The following SLC35F1 variants were observed in gnomAD, a reference collection of about 807,000 sequenced individuals.
SLC35F1 encodes solute carrier family 35 member F1.
SLC35F1 carries 14 observed loss-of-function variants against 48.7 expected under a neutral mutation model. The observed-to-expected ratio is 0.29, with a 90% CI of 0.19 to 0.45. The LOEUF (loss-of-function observed/expected upper bound fraction) is 0.45, where lower values mean the gene tolerates loss of function less well. Among genes scored for constraint, SLC35F1 ranks in the 20% least tolerant of loss-of-function variants. The probability of loss-of-function intolerance (pLI) is 1.00; values close to 1 mark genes in which losing one functional copy is unlikely to be tolerated. For missense variants in SLC35F1, 404 were observed against 500.0 expected, an observed-to-expected ratio of 0.81 and a Z score of 1.83; for synonymous variants, 190 against 202.2, an observed-to-expected ratio of 0.94 and a Z score of 0.51.
rs577302934 is a variant in SLC35F1 at position 118,153,966 on chromosome 6, A to G, written c.174-479A>G. On this transcript the variant is annotated intron_variant, in intron 1 of 7. Transcript: ENST00000360388. Reference sequence around the variant, plus strand: ...GTTTCTGGATCTGGGATTTCAATCTATAAAGAAAAGAGTCTCCCTTTATTG... The same window carrying G: ...GTTTCTGGATCTGGGATTTCAATCTGTAAAGAAAAGAGTCTCCCTTTATTG... Among the ~76,000 whole-genome samples the G allele has an allele frequency of 1.6e-4, 24 of 152,324 alleles. No individual in the cohort carries two copies. The East Asian group carries it at 4.1e-3, about 26-fold the overall frequency.
At chr6:118,111,982 TTAA>T (rs1383019606) in intron 1 of SLC35F1, among the ~76,000 whole-genome samples, 1 of 152,172 alleles carries the variant, frequency 6.6e-6, no homozygotes, top group Non-Finnish European at 1.5e-5. Context: ...AGGGAACAAA[TTAA>T]TAATGTTTTC....
intron 2 of SLC35F1, among the ~76,000 whole-genome samples, chr6:118,215,212 TG>T (rs1157222653): frequency 6.6e-6 from 1 of 152,010 alleles, no homozygotes; most frequent in Non-Finnish European, 1.5e-5. Flanking sequence ...TTCTGTTCCA[TG>T]GGGATTTCTA....
At position 118,295,083 on chromosome 6, in the gene SLC35F1, C is replaced by T. The variant is rs140458143; in HGVS notation, c.1002+9745C>T. On this transcript the variant is annotated intron_variant, in intron 7 of 7. Transcript: ENST00000360388. The stretch of plus-strand genomic sequence containing the variant: ...CTATGAGGACAGGTGTAGAGCTCCA[C>T]AGTCCACCCTGACCCTCCCCGTCAG... Among the ~76,000 whole-genome samples, 465 of 144,704 alleles carry T rather than the reference C, an allele frequency of 3.2e-3. 3 individuals carry two copies. The highest frequency in any genetic ancestry group is 0.011 in the African/African-American group (447 of 38,978). 94.9% of individuals were successfully genotyped at this position (144,704 alleles called of 152,430 possible).
At chr6:118,303,633 A>G (rs1361379085) in intron 7 of SLC35F1, among the ~76,000 whole-genome samples, 2 of 152,220 alleles carry the variant, frequency 1.3e-5, no homozygotes, top group Non-Finnish European at 2.9e-5. Context: ...TGTTTTAAAA[A>G]TGAAATGATA....
chr6:117,930,206 G>T (rs1776082634), intron 1 of SLC35F1, among the ~76,000 whole-genome samples: 1 of 152,170 alleles, frequency 6.6e-6, no homozygotes. Flanking sequence ...ATTGTCTTAT[G>T]TCCTCAGGAA....
At chr6:118,310,731 T>G (rs1776363119) in intron 7 of SLC35F1, among the ~76,000 whole-genome samples, 1 of 152,168 alleles carries the variant, frequency 6.6e-6, no homozygotes, top group South Asian at 2.1e-4. Flanking sequence ...ATTTTTTGAC[T>G]GAATTCCATA....
chr6:118,239,690 T>C (rs1775411871), intron 3 of SLC35F1, among the ~76,000 whole-genome samples: 1 of 152,188 alleles, frequency 6.6e-6, no homozygotes. Flanking sequence ...CCTGCCATCT[T>C]TCTCAAGTTA....
chr6:118,275,202 T>C (rs766881680), intron 4 of SLC35F1, among the ~76,000 whole-genome samples: 52 of 152,124 alleles, frequency 3.4e-4, no homozygotes, highest in Admixed American at 6.5e-5. Context: ...GTGGGCTTTG[T>C]AGAGAGGGTG....
intron 1 of SLC35F1, among the ~76,000 whole-genome samples, chr6:118,071,485 C>G (rs181539983): frequency 2.6e-5 from 4 of 152,038 alleles, no homozygotes; most frequent in Admixed American, 6.6e-5. Context: ...TCTCTGGTCT[C>G]TGCTGCACAA....
Position 118,072,436 on chromosome 6 carries a change from C to T in SLC35F1, c.174-82009C>T, listed in dbSNP as rs915008362. ...AAAATTAGCCAGGCGTGGTGGCAGG[C>T]GCCTGTAGTCCCAGCTACTCGGGAG... On this transcript the variant is annotated intron_variant, in intron 1 of 7. Transcript: ENST00000360388. 6.6e-5 allele frequency among the ~76,000 whole-genome samples: 10 copies of T among 152,110 alleles called. 1 individual carries two copies. Among genetic ancestry groups the T allele is most frequent in the Non-Finnish European group, 1.0e-4 (7 of 67,996 alleles).
intron 2 of SLC35F1, among the ~76,000 whole-genome samples, chr6:118,163,216 G>T (rs1055850918): frequency 2.0e-5 from 3 of 151,860 alleles, no homozygotes; most frequent in Non-Finnish European, 2.9e-5. Context: ...CACCCACCTC[G>T]GCCTCCCAAA....
chr6:118,213,356 G>A (rs548822350), intron 2 of SLC35F1, among the ~76,000 whole-genome samples: 14 of 152,254 alleles, frequency 9.2e-5, no homozygotes, highest in East Asian at 3.9e-4. Context: ...GATGTGTCCC[G>A]TTTGTGTTAG....
In SLC35F1 at chr6:118,263,386, G is replaced by A. The variant is rs572038241; in HGVS notation, c.478-3609G>A. ...TATAAAATTAGAAAACAGAATCGTA[G>A]ACACCTCTGGCATGTGTTGCCTAAG... On this transcript the variant is annotated intron_variant, in intron 3 of 7. Coordinates refer to ENST00000360388, the MANE Select transcript of SLC35F1 (RefSeq NM_001029858.4). Among the ~76,000 whole-genome samples, 4 of 152,242 alleles carry A rather than the reference G, an allele frequency of 2.6e-5. No homozygotes were observed. In the South Asian group the frequency reaches 6.2e-4, roughly 24 times the overall value.
At chr6:118,281,579 C>T (rs1277382200) in intron 6 of SLC35F1, among the ~76,000 whole-genome samples, 1 of 152,140 alleles carries the variant, frequency 6.6e-6, no homozygotes, top group African/African-American at 2.4e-5. Flanking sequence ...TGTTTGGGGT[C>T]AGATCTCCTC....
intron 1 of SLC35F1, among the ~76,000 whole-genome samples, chr6:118,061,590 G>A (rs9398480): frequency 0.97 from 139,910 of 144,482 alleles, 67,824 homozygotes; most frequent in Non-Finnish European, 0.99. Flanking sequence ...GTGTGTGTGT[G>A]TATATATATA....
intron 2 of SLC35F1, among the ~76,000 whole-genome samples, chr6:118,160,690 G>A (rs1188333799): frequency 1.3e-5 from 2 of 152,152 alleles, no homozygotes; most frequent in Non-Finnish European, 2.9e-5. Context: ...TCAAGCACCT[G>A]TGCTCTCCTG....
At chr6:117,931,765 C>T (rs1776104564) in intron 1 of SLC35F1, among the ~76,000 whole-genome samples, 1 of 152,186 alleles carries the variant, frequency 6.6e-6, no homozygotes, top group South Asian at 2.1e-4. Flanking sequence ...AGACTTGCTG[C>T]ATACAGTGCA....
At chr6:118,116,510 G>A (rs1438101879) in intron 1 of SLC35F1, among the ~76,000 whole-genome samples, 1 of 152,130 alleles carries the variant, frequency 6.6e-6, no homozygotes, top group African/African-American at 2.4e-5. Context: ...CATTAAATGT[G>A]AATTGATTGA....
chr6:117,960,054 A>T (rs1776477680), intron 1 of SLC35F1, among the ~76,000 whole-genome samples: 1 of 152,032 alleles, frequency 6.6e-6, no homozygotes, highest in Non-Finnish European at 1.5e-5. Flanking sequence ...AGTTCAGTCC[A>T]GTGGAAAATT....
Sources: gnomAD v4.1 joint callset for allele counts (sites outside exome capture counted in the v4.1 genomes callset) on GRCh38, gnomAD v4.1.1 for gene constraint, MANE v1.5 for transcripts, NCBI Gene and HGNC (gene_info 2026-07-23, HGNC 2026-07-21) for gene names.